SNX13: variants seen among roughly 807,000 people sequenced by gnomAD.
The protein encoded by SNX13 is sorting nexin 13.
SNX13 carries 45 observed loss-of-function variants against 133.6 expected under a neutral mutation model. The observed-to-expected ratio is 0.34, with a 90% CI of 0.27 to 0.43. The LOEUF is 0.43. Ranked by LOEUF, SNX13 falls within the 20% of genes least tolerant of loss-of-function variation. The pLI, the probability that SNX13 is intolerant of heterozygous loss-of-function variation, is 1.00. For missense variants in SNX13, 1,032 were observed against 1,145.1 expected (o/e 0.90, Z 1.43); for synonymous variants, 414 against 373.9 (o/e 1.11, Z -1.24).
At chr7:17,895,197 A>G (rs926401096) in intron 2 of SNX13, among the ~76,000 whole-genome samples, 6 of 152,230 alleles carry the variant, frequency 3.9e-5, no homozygotes, top group African/African-American at 1.4e-4. Flanking sequence ...CAAGATAAAG[A>G]GCAGTCTGAT....
chr7:17,894,876 C>A (rs1583663621), intron 2 of SNX13, among the ~76,000 whole-genome samples: 1 of 152,050 alleles, frequency 6.6e-6, no homozygotes, highest in African/African-American at 2.4e-5. Context: ...GTCCTCAGTA[C>A]AAGTATCACA....
chr7:17,922,639 T>C (rs1341369203), intron 1 of SNX13, among the ~76,000 whole-genome samples: 1 of 152,234 alleles, frequency 6.6e-6, no homozygotes, highest in Non-Finnish European at 1.5e-5. Context: ...ATAACATTTA[T>C]GTTCAGCTTG....
intron 1 of SNX13, among the ~76,000 whole-genome samples, chr7:17,929,155 A>G: frequency 6.6e-6 from 1 of 152,136 alleles, no homozygotes; most frequent in Admixed American, 6.5e-5. Context: ...GAAAGGAGAA[A>G]AAACAAATCA....
chr7:17,931,786 G>C (rs927111131), intron 1 of SNX13, among the ~76,000 whole-genome samples: 1 of 152,134 alleles, frequency 6.6e-6, no homozygotes, highest in Admixed American at 6.5e-5. Context: ...CCTCTCATAA[G>C]TATATTTACA....
Position 17,793,152 on chromosome 7 carries a change from GACT to G in SNX13, c.*890_*892del, listed in dbSNP as rs1783713672. 1 of 152,168 alleles carries G rather than the reference GACT, an allele frequency of 6.6e-6. No homozygotes were observed. The highest frequency in any genetic ancestry group is 1.5e-5 in the Non-Finnish European group (1 of 67,826). 9.4% of individuals were successfully genotyped at this position (152,168 alleles called of 1,614,324 possible). On this transcript the variant is annotated 3_prime_UTR_variant, in exon 26 of 26. Transcript: ENST00000428135. Reference sequence around the variant, plus strand: ...AAAATTATCATATGGTAACTTTCCAGACTACTATTTAAATTTCCATATTTTTAG... The same window carrying G: ...AAAATTATCATATGGTAACTTTCCAGACTATTTAAATTTCCATATTTTTAG...
rs922180272 is a variant in SNX13, at chr7:17,890,488, T to C, written c.319-4A>G. 2 of 1,551,472 alleles carry C rather than the reference T, an allele frequency of 1.3e-6. No homozygotes were observed. Among genetic ancestry groups the C allele is most frequent in the African/African-American group, 1.4e-5 (1 of 71,868 alleles). ...CCCTCAAGGAAAACTGGATAACCTA[T>C]AACAAAAATATTGGAAAAAAAATTA... On this transcript the variant is annotated splice_region_variant and splice_polypyrimidine_tract_variant and intron_variant, in intron 4 of 25. Coordinates refer to ENST00000428135, the MANE Select transcript of SNX13 (RefSeq NM_015132.5).
chr7:17,849,445 C>A (rs942728788), intron 11 of SNX13, among the ~76,000 whole-genome samples: 8 of 152,168 alleles, frequency 5.3e-5, no homozygotes, highest in African/African-American at 1.9e-4. Context: ...TTACCCCCAT[C>A]ATCTCACACT....
At chr7:17,876,816 A>C (rs561802441) in intron 5 of SNX13, among the ~76,000 whole-genome samples, 7 of 152,170 alleles carry the variant, frequency 4.6e-5, no homozygotes, top group African/African-American at 1.7e-4. Context: ...AACAATTTAT[A>C]TCTCTCCTTG....
chr7:17,892,837 G>C (rs1356464369), intron 3 of SNX13, among the ~76,000 whole-genome samples: 1 of 152,216 alleles, frequency 6.6e-6, no homozygotes, highest in Admixed American at 6.5e-5. Context: ...TTTATTTATA[G>C]AGTATGATAC....
chr7:17,927,034 T>C (rs376634841), intron 1 of SNX13, among the ~76,000 whole-genome samples: 1 of 152,114 alleles, frequency 6.6e-6, no homozygotes, highest in Admixed American at 6.5e-5. Flanking sequence ...AAAGCAAGAA[T>C]GTAATTTTTC....
At chr7:17,821,369 T>C in intron 18 of SNX13, 140 bp downstream of exon 18, 1 of 734,590 alleles carries the variant, frequency 1.4e-6, no homozygotes, top group Non-Finnish European at 2.2e-6. Flanking sequence ...CTCAGATTAA[T>C]TCTAAGATTT....
At chr7:17,803,819 G>C (rs1393440887) in intron 20 of SNX13, among the ~76,000 whole-genome samples, 1 of 150,770 alleles carries the variant, frequency 6.6e-6, no homozygotes, top group Non-Finnish European at 1.5e-5. Context: ...GCTGTAGCAG[G>C]AGGATCACTT....
intron 8 of SNX13, among the ~76,000 whole-genome samples, chr7:17,872,020 T>C (rs1188370470): frequency 1.3e-5 from 2 of 152,172 alleles, no homozygotes; most frequent in Non-Finnish European, 1.5e-5. Context: ...ACTTTGGACA[T>C]TTCAGTTTTA....
chr7:17,895,923 T>C (rs1229144719), intron 2 of SNX13, among the ~76,000 whole-genome samples: 2 of 152,184 alleles, frequency 1.3e-5, no homozygotes, highest in African/African-American at 4.8e-5. Context: ...GGAAATACTC[T>C]GAAATCCTTT....
chr7:17,816,322 T>A, intron 18 of SNX13, 33 bp from the exon 19 acceptor site: 1 of 1,515,696 alleles, frequency 6.6e-7, no homozygotes, highest in Non-Finnish European at 8.8e-7. Context: ...TAGCACTTTT[T>A]ATAAAGACAA....
chr7:17,937,555 A>C (rs1056758751), intron 1 of SNX13, among the ~76,000 whole-genome samples: 1 of 152,178 alleles, frequency 6.6e-6, no homozygotes, highest in South Asian at 2.1e-4. Context: ...CACAAAACGC[A>C]AAACTGAAAA....
At chr7:17,864,613 A>G (rs1181835834) in intron 9 of SNX13, among the ~76,000 whole-genome samples, 10 of 152,158 alleles carry the variant, frequency 6.6e-5, no homozygotes. Context: ...ATAACAAAGA[A>G]CTTTTAAAAC....
intron 11 of SNX13, among the ~76,000 whole-genome samples, chr7:17,847,140 T>C (rs1012000033): frequency 7.2e-5 from 11 of 152,076 alleles, no homozygotes; most frequent in African/African-American, 2.7e-4. Flanking sequence ...AGGAAGTAGT[T>C]AAAGAAAAGC....
Position 17,820,229 on chromosome 7 carries a change from T to C in SNX13, c.1845+1280A>G, listed in dbSNP as rs187736644. Among the ~76,000 whole-genome samples the C allele has an allele frequency of 3.0e-3, 451 of 152,304 alleles. 13 individuals are homozygous for C. Among genetic ancestry groups the C allele is most frequent in the Admixed American group, 0.027 (410 of 15,290 alleles). On this transcript the variant is annotated intron_variant, in intron 18 of 25. Transcript: ENST00000428135. ...TCATATTAAACTAAACTCTCATTAA[T>C]TTGCAAGTAAATTCATTTGCAAATA...
Sources: allele counts gnomAD v4.1 joint callset (sites outside exome capture counted in the v4.1 genomes callset), GRCh38; gene constraint gnomAD v4.1.1; transcripts MANE v1.5; gene names NCBI Gene and HGNC (gene_info 2026-07-23, HGNC 2026-07-21).